The following ANKRD36 variants were observed in gnomAD, a reference collection of about 807,000 sequenced individuals.
The protein encoded by ANKRD36 is ankyrin repeat domain-containing protein 36A.
Under a neutral mutation model 278.1 loss-of-function variants are expected in ANKRD36, and 179 were observed. That is an observed-to-expected ratio of 0.64 (90% CI 0.57 to 0.73). The LOEUF (loss-of-function observed/expected upper bound fraction) is 0.73. Ranked by LOEUF, ANKRD36 falls within the 30% of genes least tolerant of loss-of-function variation. The pLI is 0.00. For missense variants in ANKRD36, 1,159 were observed against 1,956.7 expected, an observed-to-expected ratio of 0.59 and a Z score of 7.69; for synonymous variants, 320 against 641.1, an observed-to-expected ratio of 0.50 and a Z score of 7.57.
At chr2:97,243,171 G>T (rs200873119) in intron 69 of ANKRD36, among the ~76,000 whole-genome samples, 1 of 141,696 alleles carries the variant, frequency 7.1e-6, no homozygotes, top group East Asian at 2.0e-4. Context: ...ACATGTGCCC[G>T]AGGTGGTCGG....
chr2:97,209,894 A>G (rs760422100), intron 56 of ANKRD36, 22 bp downstream of exon 56: 1 of 1,560,698 alleles, frequency 6.4e-7, no homozygotes, highest in Non-Finnish European at 8.6e-7. Context: ...AACAGATTTA[A>G]TGTCATGTTC....
At position 97,133,192 on chromosome 2, in the gene ANKRD36, C is replaced by T. The variant is rs542107926; in HGVS notation, c.799+6058C>T. Among the ~76,000 whole-genome samples the T allele has an allele frequency of 7.9e-5, 12 of 152,148 alleles. No homozygotes were observed. In the East Asian group the frequency reaches 2.3e-3, roughly 29 times the overall value. ...TGCATTATTTTCTTCACAGCAGTTA[C>T]AGCCCCAACTTAATTTTAGGTGTCT... On this transcript the variant is annotated intron_variant, in intron 6 of 75. Coordinates refer to ENST00000420699, the MANE Select transcript of ANKRD36 (RefSeq NM_001354587.1).
At chr2:97,220,774 A>ATTTTTTATTTTTTTTTTTTTTTTTTTT (rs2067344191) in intron 66 of ANKRD36, among the ~76,000 whole-genome samples, 1 of 46,392 alleles carries the variant, frequency 2.2e-5, no homozygotes, top group African/African-American at 1.5e-4. Context: ...TTTTTTTTTT[A>ATTTTTTATTTTTTTTTTTTTTTTTTTT]ATTTTTTTTT....
rs35336868 is a variant in ANKRD36, at chr2:97,137,592, T to TAC, written c.800-5033_800-5032dup. Among the ~76,000 whole-genome samples the TAC allele has an allele frequency of 3.0e-3, 459 of 150,684 alleles. 8 individuals are homozygous for TAC. The highest frequency in any genetic ancestry group is 0.01 in the African/African-American group (420 of 41,126). On this transcript the variant is annotated intron_variant, in intron 6 of 75. Coordinates refer to ENST00000420699, the MANE Select transcript of ANKRD36 (RefSeq NM_001354587.1). ...ACAAGCCACTGTACATATATATATA[T>TAC]ACACACACACACACACCGAGTATAT... is the stretch of plus-strand genomic sequence containing the variant.
At chr2:97,123,127 C>T in intron 4 of ANKRD36, 134 bp downstream of exon 4, 1 of 698,738 alleles carries the variant, frequency 1.4e-6, no homozygotes, top group Admixed American at 3.5e-5. Context: ...TGAGAAATAA[C>T]ACAGATCATC....
chr2:97,187,494 G>GCCCCCCCC, intron 32 of ANKRD36, 93 bp downstream of exon 32: 2 of 95,518 alleles, frequency 2.1e-5, no homozygotes, highest in Non-Finnish European at 2.1e-5. Flanking sequence ...GGGTGGGGGG[G>GCCCCCCCC]CTCGCCGAAG....
At chr2:97,218,095 G>C (rs1452602775) in intron 64 of ANKRD36, among the ~76,000 whole-genome samples, 1 of 151,704 alleles carries the variant, frequency 6.6e-6, no homozygotes, top group Non-Finnish European at 1.5e-5. Context: ...TTATTCAAAT[G>C]AGTTGAAGTT....
chr2:97,136,950 A>G (rs1423267657), intron 6 of ANKRD36, among the ~76,000 whole-genome samples: 1 of 152,090 alleles, frequency 6.6e-6, no homozygotes, highest in African/African-American at 2.4e-5. Context: ...TGATAAGTAT[A>G]TGCTAAGCAC....
chr2:97,220,761 CTTTT>C (rs60699692), intron 66 of ANKRD36, among the ~76,000 whole-genome samples: 1,173 of 70,236 alleles, frequency 0.017, no homozygotes, highest in Non-Finnish European at 0.025. Context: ...TTTTAATTTT[CTTTT>C]TTTTTTTTAA....
intron 56 of ANKRD36, among the ~76,000 whole-genome samples, chr2:97,210,643 A>G (rs2064211734): frequency 6.6e-6 from 1 of 151,832 alleles, no homozygotes; most frequent in Non-Finnish European, 1.5e-5. Flanking sequence ...CTTGGATGAA[A>G]TAGCTATTTA....
At chr2:97,168,338 G>A (rs1274368036) in intron 22 of ANKRD36, among the ~76,000 whole-genome samples, 28 of 149,392 alleles carry the variant, frequency 1.9e-4, no homozygotes, top group African/African-American at 4.5e-4. Context: ...ATTTTTTCGT[G>A]ACTCTTTGGT....
intron 66 of ANKRD36, among the ~76,000 whole-genome samples, chr2:97,222,532 A>C (rs1420517377): frequency 6.6e-6 from 1 of 152,122 alleles, no homozygotes; most frequent in Non-Finnish European, 1.5e-5. Context: ...AACTGAGGTG[A>C]GACGATACCT....
chr2:97,218,687 G>A (rs2066591498), intron 64 of ANKRD36, among the ~76,000 whole-genome samples: 2 of 152,238 alleles, frequency 1.3e-5, no homozygotes, highest in African/African-American at 4.8e-5. Flanking sequence ...TGAAAGTCAT[G>A]CAGTCGCAGT....
intron 68 of ANKRD36, among the ~76,000 whole-genome samples, chr2:97,237,101 G>GT (rs1337345932): frequency 9.1e-5 from 13 of 143,404 alleles, no homozygotes; most frequent in African/African-American, 3.5e-4. Flanking sequence ...TGTTTATGAT[G>GT]TATTACCTTT....
intron 54 of ANKRD36, among the ~76,000 whole-genome samples, chr2:97,208,394 C>G (rs1274442873): frequency 3.4e-5 from 5 of 146,134 alleles, no homozygotes; most frequent in Non-Finnish European, 7.4e-5. Context: ...CTTGTTGTAA[C>G]AACCCGTAGA....
At chr2:97,228,615 G>T (rs979324663) in intron 67 of ANKRD36, among the ~76,000 whole-genome samples, 1 of 151,770 alleles carries the variant, frequency 6.6e-6, no homozygotes, top group African/African-American at 2.4e-5. Context: ...TTTTTGAAGG[G>T]TTTTTTGTGT....
At chr2:97,178,902 A>G (rs1225794665) in intron 22 of ANKRD36, among the ~76,000 whole-genome samples, 4 of 151,674 alleles carry the variant, frequency 2.6e-5, no homozygotes, top group Admixed American at 2.0e-4. Context: ...AGAAGTGAAA[A>G]TAATGTTGAA....
rs1053725474 is a variant in ANKRD36, at chr2:97,206,191, C to G, written c.3163+56C>G. On this transcript the variant is annotated intron_variant, in intron 52 of 75. Transcript: ENST00000420699. ...TCAGTCGAGATAGATAAGAAGTTCT[C>G]TTCCCCAAGTAAATCAGCGGGGGGC... 5 of 1,461,732 alleles carry G rather than the reference C, an allele frequency of 3.4e-6. No individual in the cohort carries two copies. The East Asian group carries it at 1.2e-4, about 36-fold the overall frequency. 90.5% of individuals were successfully genotyped at this position (1,461,732 alleles called of 1,614,324 possible).
intron 44 of ANKRD36, among the ~76,000 whole-genome samples, chr2:97,199,507 G>T (rs2153589635): frequency 6.6e-6 from 1 of 152,012 alleles, no homozygotes; most frequent in Admixed American, 6.6e-5. Flanking sequence ...GAATGATGTT[G>T]AATTCCAATT....
Sources: allele counts gnomAD v4.1 joint callset (sites outside exome capture counted in the v4.1 genomes callset), GRCh38; gene constraint gnomAD v4.1.1; transcripts MANE v1.5; gene names NCBI Gene and HGNC (gene_info 2026-07-23, HGNC 2026-07-21).